Variants in DPP10 observed in about 807,000 individuals in gnomAD.
DPP10 encodes dipeptidyl peptidase like 10.
A neutral mutation model predicts 120.9 loss-of-function variants in DPP10; 33 were observed. The observed-to-expected ratio is 0.27, with a 90% CI of 0.21 to 0.37. DPP10 has a LOEUF of 0.37. Among genes scored for constraint, DPP10 ranks in the 10% least tolerant of loss-of-function variants. DPP10 has a pLI of 1.00. For synonymous variants in DPP10, 337 were observed against 326.1 expected, an observed-to-expected ratio of 1.03 and a Z score of -0.36; for missense variants, 816 against 942.8, an observed-to-expected ratio of 0.87 and a Z score of 1.76.
At chr2:114,584,526 C>T (rs991867968) in intron 1 of DPP10, among the ~76,000 whole-genome samples, 2 of 144,670 alleles carry the variant, frequency 1.4e-5, no homozygotes, top group African/African-American at 5.1e-5. Context: ...GGTATATCTC[C>T]TAATGCTATC....
chr2:115,591,336 G>C (rs2082648472), intron 5 of DPP10, among the ~76,000 whole-genome samples: 1 of 152,098 alleles, frequency 6.6e-6, no homozygotes. Context: ...TTTTTGTAAG[G>C]TGTAAGGGAG....
chr2:114,693,224 T>C (rs1283806443), intron 1 of DPP10, among the ~76,000 whole-genome samples: 1 of 151,762 alleles, frequency 6.6e-6, no homozygotes, highest in Non-Finnish European at 1.5e-5. Flanking sequence ...AACAATTTTT[T>C]CTTTCAATTT....
intron 1 of DPP10, among the ~76,000 whole-genome samples, chr2:114,482,434 G>A (rs918999482): frequency 3.3e-5 from 5 of 152,104 alleles, no homozygotes; most frequent in Non-Finnish European, 7.4e-5. Flanking sequence ...AGAATCAAAC[G>A]TATCAGTTAT....
At chr2:115,205,522 A>G (rs1002187251) in intron 1 of DPP10, among the ~76,000 whole-genome samples, 15 of 152,152 alleles carry the variant, frequency 9.9e-5, no homozygotes, top group Admixed American at 2.0e-4. Flanking sequence ...CAATGCCATT[A>G]CTTTGTATAT....
rs150708291 is a variant in DPP10, at chr2:115,358,692, A to C, written c.271+14780A>C. On this transcript the variant is annotated intron_variant, in intron 3 of 25. Transcript: ENST00000410059. ...TGTATAAGTCTGTTCTCACGCTGCT[A>C]TGAAGAGATACCTGAGACTGAGTAA... Among the ~76,000 whole-genome samples the C allele has an allele frequency of 4.3e-4, 65 of 152,310 alleles. 3 individuals are homozygous for C. In the South Asian group the frequency reaches 0.013, roughly 32 times the overall value.
chr2:115,576,217 A>T (rs1558872827), intron 5 of DPP10, among the ~76,000 whole-genome samples: 1 of 152,224 alleles, frequency 6.6e-6, no homozygotes, highest in Non-Finnish European at 1.5e-5. Context: ...TAGGGCCAGG[A>T]ATGCCTTAAA....
At chr2:114,940,227 C>T (rs1423998782) in intron 1 of DPP10, among the ~76,000 whole-genome samples, 1 of 152,108 alleles carries the variant, frequency 6.6e-6, no homozygotes, top group Non-Finnish European at 1.5e-5. Context: ...AAGCCTATAA[C>T]TGTAACACTG....
chr2:115,293,438 G>C (rs1381453892), intron 1 of DPP10, among the ~76,000 whole-genome samples: 1 of 152,072 alleles, frequency 6.6e-6, no homozygotes, highest in Non-Finnish European at 1.5e-5. Flanking sequence ...TTGTTGCACA[G>C]CTTCTATAGA....
chr2:114,527,711 T>C (rs570656830), intron 1 of DPP10, among the ~76,000 whole-genome samples: 16 of 152,136 alleles, frequency 1.1e-4, no homozygotes, highest in Non-Finnish European at 2.1e-4. Flanking sequence ...ATTTTGTCAT[T>C]ATGCAAACAT....
At position 114,630,209 on chromosome 2, in the gene DPP10, A is replaced by G. The variant is rs547279606; in HGVS notation, c.60+187371A>G. The stretch of plus-strand genomic sequence containing the variant: ...ACATTATTAAATTTCTGAAAATGAA[A>G]AATTCCTTTACTTTAGACAAATGTA... On this transcript the variant is annotated intron_variant, in intron 1 of 25. Coordinates refer to ENST00000410059, the MANE Select transcript of DPP10 (RefSeq NM_020868.6). 1.6e-4 allele frequency among the ~76,000 whole-genome samples: 24 copies of G among 152,258 alleles called. No homozygotes were observed. The South Asian group carries it at 4.8e-3, about 30-fold the overall frequency.
chr2:115,655,758 C>A (rs1352371868), intron 5 of DPP10, among the ~76,000 whole-genome samples: 1 of 151,110 alleles, frequency 6.6e-6, no homozygotes, highest in Non-Finnish European at 1.5e-5. Context: ...CAACACATTC[C>A]TACTGAATTG....
At chr2:114,899,478 C>T (rs898560493) in intron 1 of DPP10, among the ~76,000 whole-genome samples, 36 of 152,166 alleles carry the variant, frequency 2.4e-4, no homozygotes, top group South Asian at 1.0e-3. Flanking sequence ...TCCCTCTACC[C>T]GATGAAACCA....
At chr2:114,862,314 TATAAG>T (rs1689872914) in intron 1 of DPP10, among the ~76,000 whole-genome samples, 1 of 152,084 alleles carries the variant, frequency 6.6e-6, no homozygotes, top group Admixed American at 6.5e-5. Flanking sequence ...TCCCTACTCA[TATAAG>T]ATAAAAGAAA....
At chr2:114,898,366 G>A (rs1392202881) in intron 1 of DPP10, among the ~76,000 whole-genome samples, 1 of 149,480 alleles carries the variant, frequency 6.7e-6, no homozygotes, top group Admixed American at 6.6e-5. Flanking sequence ...GGGATGGGGG[G>A]AGGGATAGCT....
At chr2:115,453,034 T>A (rs708657) in intron 3 of DPP10, among the ~76,000 whole-genome samples, 5 of 151,726 alleles carry the variant, frequency 3.3e-5, no homozygotes, top group African/African-American at 1.2e-4. Flanking sequence ...TCCAACTACT[T>A]AATATGGTTT....
intron 3 of DPP10, among the ~76,000 whole-genome samples, chr2:115,409,478 C>T (rs2068777838): frequency 6.6e-6 from 1 of 152,090 alleles, no homozygotes; most frequent in African/African-American, 2.4e-5. Flanking sequence ...CTTACTTCTG[C>T]AAGAATGACC....
intron 1 of DPP10, among the ~76,000 whole-genome samples, chr2:115,028,056 T>C (rs1334998305): frequency 2.0e-5 from 3 of 152,104 alleles, no homozygotes; most frequent in Admixed American, 1.3e-4. Context: ...AAACCAACTT[T>C]TCGTTTTATC....
intron 5 of DPP10, among the ~76,000 whole-genome samples, chr2:115,672,807 C>T (rs1285641423): frequency 2.0e-5 from 3 of 151,202 alleles, no homozygotes; most frequent in African/African-American, 7.3e-5. Flanking sequence ...AGTGCAGTGG[C>T]CTGATCTTGG....
At chr2:114,720,486 GC>G (rs1701634134) in intron 1 of DPP10, among the ~76,000 whole-genome samples, 1 of 151,986 alleles carries the variant, frequency 6.6e-6, no homozygotes, top group South Asian at 2.1e-4. Context: ...AAAGAATGAA[GC>G]TAAATAAAAC....
Sources: gnomAD v4.1 joint callset for allele counts (sites outside exome capture counted in the v4.1 genomes callset) on GRCh38, gnomAD v4.1.1 for gene constraint, MANE v1.5 for transcripts, NCBI Gene and HGNC (gene_info 2026-07-23, HGNC 2026-07-21) for gene names.